IKZF1: variants seen among roughly 807,000 people sequenced by gnomAD.
The protein encoded by IKZF1 is DNA-binding protein Ikaros.
In IKZF1, 10 loss-of-function variants were observed where a neutral mutation model predicts 51.7. That is an observed-to-expected ratio of 0.19 (90% confidence interval 0.12 to 0.33). The LOEUF is 0.33. IKZF1 is among the 10% of genes least tolerant of loss of function. The pLI is 1.00. For missense variants in IKZF1, 484 were observed against 707.5 expected (o/e 0.68, Z 3.58); for synonymous variants, 280 against 282.3 (o/e 0.99, Z 0.08).
chr7:50,318,750 A>T (rs1334983080), intron 1 of IKZF1, among the ~76,000 whole-genome samples: 2 of 152,214 alleles, frequency 1.3e-5, no homozygotes, highest in African/African-American at 4.8e-5. Context: ...TTTCTGCTTA[A>T]TTTTGTTGCA....
At chr7:50,372,675 G>T (rs1019171385) in intron 3 of IKZF1, among the ~76,000 whole-genome samples, 2 of 152,156 alleles carry the variant, frequency 1.3e-5, no homozygotes, top group Admixed American at 6.5e-5. Flanking sequence ...TTCCTGAGCT[G>T]ATCATCCCTA....
chr7:50,335,553 T>A (rs1256830216), intron 3 of IKZF1, among the ~76,000 whole-genome samples: 24 of 147,926 alleles, frequency 1.6e-4, no homozygotes, highest in Admixed American at 1.4e-3. Context: ...GTGTATGGGA[T>A]GTGTGGTGTG....
intron 3 of IKZF1, among the ~76,000 whole-genome samples, chr7:50,352,409 A>G (rs1447530641): frequency 6.6e-6 from 1 of 152,142 alleles, no homozygotes; most frequent in Non-Finnish European, 1.5e-5. Context: ...GTGCCGAGAG[A>G]GTGTATGAGG....
At chr7:50,368,778 C>T (rs117963681) in intron 3 of IKZF1, 6,557 of 234,980 alleles carry the variant, frequency 0.028, 126 homozygotes, top group East Asian at 0.064. Context: ...ATATTTAAAG[C>T]CATACAAGTT....
chr7:50,397,536 T>C (rs969473484), intron 7 of IKZF1, among the ~76,000 whole-genome samples: 13 of 152,206 alleles, frequency 8.5e-5, no homozygotes, highest in African/African-American at 2.9e-4. Context: ...GAAAGCACCC[T>C]TTTGGTGGGG....
intron 1 of IKZF1, among the ~76,000 whole-genome samples, chr7:50,313,931 G>A (rs1001883079): frequency 6.6e-6 from 1 of 152,170 alleles, no homozygotes; most frequent in Non-Finnish European, 1.5e-5. Context: ...TAAAGCCAGT[G>A]AGTACCAGTA....
Position 50,323,704 on chromosome 7 carries a change from C to T in IKZF1, c.41-3934C>T, listed in dbSNP as rs145368242. 4.1e-4 allele frequency among the ~76,000 whole-genome samples: 62 copies of T among 152,110 alleles called. 1 individual carries two copies. The East Asian group carries it at 9.1e-3, about 22-fold the overall frequency. ...TAAACACTTGATGTCTTGCTGTCTC[C>T]GTCTCTGTGTGTTTGCATGTCATTG... On this transcript the variant is annotated intron_variant, in intron 2 of 7. Transcript: ENST00000331340.
At chr7:50,325,830 A>G (rs947054924) in intron 2 of IKZF1, among the ~76,000 whole-genome samples, 2 of 152,148 alleles carry the variant, frequency 1.3e-5, no homozygotes, top group African/African-American at 4.8e-5. Context: ...CTTAATGCAC[A>G]TTGCCAAGGC....
chr7:50,383,200 G>A (rs7384494), intron 5 of IKZF1, among the ~76,000 whole-genome samples: 11 of 152,124 alleles, frequency 7.2e-5, no homozygotes, highest in African/African-American at 2.2e-4. Context: ...ACTGAGCCCC[G>A]TGTGGCTCTC....
chr7:50,312,936 GAAT>G (rs1437844292), intron 1 of IKZF1, among the ~76,000 whole-genome samples: 2 of 151,918 alleles, frequency 1.3e-5, no homozygotes, highest in Admixed American at 1.3e-4. Flanking sequence ...ATACTCTGTG[GAAT>G]AATCATGAAA....
At chr7:50,391,993 T>A in intron 7 of IKZF1, 130 bp downstream of exon 7, 1 of 1,268,232 alleles carries the variant, frequency 7.9e-7, no homozygotes, top group Non-Finnish European at 1.1e-6. Flanking sequence ...TTGGTAAGCT[T>A]AACATTCCTT....
At chr7:50,398,247 C>T (rs1363346072) in intron 7 of IKZF1, among the ~76,000 whole-genome samples, 1 of 152,182 alleles carries the variant, frequency 6.6e-6, no homozygotes, top group Non-Finnish European at 1.5e-5. Context: ...GCTGTTCTTT[C>T]CACAGTGAAT....
chr7:50,327,754 G>A lies in IKZF1; in HGVS notation c.157G>A (p.Val53Met), dbSNP rs369417059. The A allele has an allele frequency of 2.3e-4, 374 of 1,609,410 alleles. No homozygotes were observed. The highest frequency in any genetic ancestry group is 1.9e-3 in the African/African-American group (141 of 74,816). Residue 53 changes from valine to methionine, a missense_variant, in exon 3 of 8, where the codon GTG becomes ATG. By Grantham distance (21) the Val-to-Met change is conservative. Coordinates refer to ENST00000331340, the MANE Select transcript of IKZF1 (RefSeq NM_006060.6). Reference sequence around the variant, plus strand: ...GCAAAGCTCCAAGAGTGACAGAGTCGTGGGTAAGTGGGTCACCAGCGGCCT... The same window carrying A: ...GCAAAGCTCCAAGAGTGACAGAGTCATGGGTAAGTGGGTCACCAGCGGCCT... The part of the protein sequence containing the change: ...GQQSSKSDRV[V>M]ASNVKVETQS...
chr7:50,341,989 CTT>C (rs1297225360), intron 3 of IKZF1, among the ~76,000 whole-genome samples: 1 of 151,380 alleles, frequency 6.6e-6, no homozygotes, highest in Non-Finnish European at 1.5e-5. Flanking sequence ...AAAAAAAAAA[CTT>C]TTTAGATTAA....
chr7:50,318,300 C>CTT lies in IKZF1; in HGVS notation c.-14-737_-14-736dup, dbSNP rs376534699. 81 of 207,306 alleles carry CTT rather than the reference C, an allele frequency of 3.9e-4. No individual in the cohort carries two copies. The Middle Eastern group carries it at 4.4e-3, about 11-fold the overall frequency. 12.8% of individuals were successfully genotyped at this position (207,306 alleles called of 1,614,324 possible). A position where few individuals can be genotyped will look rare whatever the true frequency, so the allele number is the denominator to read the frequency against. On this transcript the variant is annotated intron_variant, in intron 1 of 7. Transcript: ENST00000331340. ...ATCTTCCCAGTTGTTTCTTTCTTTTCTTTTTTTTTTTTAATTTAAACCGAT... is the reference window on the plus strand; with the variant it reads ...ATCTTCCCAGTTGTTTCTTTCTTTTCTTTTTTTTTTTTTTAATTTAAACCGAT...
intron 3 of IKZF1, among the ~76,000 whole-genome samples, chr7:50,373,002 A>G (rs1445738945): frequency 6.6e-6 from 1 of 152,228 alleles, no homozygotes; most frequent in African/African-American, 2.4e-5. Flanking sequence ...TACAGCTCTC[A>G]GTGACAGTGT....
chr7:50,373,290 T>C (rs1413774917), intron 3 of IKZF1, among the ~76,000 whole-genome samples: 1 of 152,192 alleles, frequency 6.6e-6, no homozygotes, highest in Non-Finnish European at 1.5e-5. Context: ...GCCCACACAC[T>C]GATCAACAGC....
chr7:50,339,410 A>G (rs887792098), intron 3 of IKZF1, among the ~76,000 whole-genome samples: 36 of 152,174 alleles, frequency 2.4e-4, no homozygotes, highest in Admixed American at 6.5e-4. Context: ...CATATTCTAA[A>G]CAAAACACAT....
chr7:50,362,072 GC>G (rs1275460848), intron 3 of IKZF1, among the ~76,000 whole-genome samples: 1 of 152,184 alleles, frequency 6.6e-6, no homozygotes, highest in African/African-American at 2.4e-5. Flanking sequence ...TAGGACTGGT[GC>G]CTAGTTGTAC....
Sources: gnomAD v4.1 joint callset for allele counts (sites outside exome capture counted in the v4.1 genomes callset) on GRCh38, gnomAD v4.1.1 for gene constraint, MANE v1.5 for transcripts, NCBI Gene and HGNC (gene_info 2026-07-23, HGNC 2026-07-21) for gene names.